Variants in GUCY1A2 observed in about 807,000 individuals in gnomAD.
GUCY1A2 encodes the protein guanylate cyclase soluble subunit alpha-2.
GUCY1A2 carries 27 observed loss-of-function variants against 63.5 expected under a neutral mutation model. The observed-to-expected ratio is 0.43, with a 90% confidence interval of 0.31 to 0.59. GUCY1A2 has a LOEUF of 0.59. GUCY1A2 is among the 20% of genes least tolerant of loss of function. The pLI, the probability that GUCY1A2 is intolerant of heterozygous loss-of-function variation, is 0.11. For synonymous variants in GUCY1A2, 364 were observed against 343.5 expected (o/e 1.06, Z -0.66); for missense variants, 768 against 913.3 (o/e 0.84, Z 2.05).
At chr11:106,862,024 T>G (rs1312166227) in intron 4 of GUCY1A2, among the ~76,000 whole-genome samples, 2 of 151,934 alleles carry the variant, frequency 1.3e-5, no homozygotes, top group East Asian at 3.9e-4. Flanking sequence ...ACATAATAAA[T>G]GAAAAATGCA....
At chr11:106,784,886 C>T (rs1864530015) in intron 5 of GUCY1A2, among the ~76,000 whole-genome samples, 1 of 152,156 alleles carries the variant, frequency 6.6e-6, no homozygotes, top group Non-Finnish European at 1.5e-5. Context: ...GATAAAGAGT[C>T]ATTAAAGTAA....
chr11:106,841,196 A>T (rs1005130404), intron 4 of GUCY1A2, among the ~76,000 whole-genome samples: 1 of 151,688 alleles, frequency 6.6e-6, no homozygotes, highest in African/African-American at 2.4e-5. Context: ...AAACACCCTC[A>T]TCTCTACTGC....
intron 3 of GUCY1A2, among the ~76,000 whole-genome samples, chr11:106,972,897 G>T (rs1481006115): frequency 6.6e-6 from 1 of 152,050 alleles, no homozygotes; most frequent in African/African-American, 2.4e-5. Context: ...AACAAAAGAA[G>T]CCAGCGAAAA....
At chr11:106,721,132 C>A (rs898851634) in intron 6 of GUCY1A2, among the ~76,000 whole-genome samples, 2 of 149,824 alleles carry the variant, frequency 1.3e-5, no homozygotes, top group African/African-American at 5.0e-5. Flanking sequence ...CATCTTGGCT[C>A]ACCGCAGCCT....
At chr11:106,764,895 A>T (rs2135394158) in intron 6 of GUCY1A2, among the ~76,000 whole-genome samples, 1 of 148,132 alleles carries the variant, frequency 6.8e-6, no homozygotes, top group East Asian at 2.0e-4. Context: ...CCTTGATCAA[A>T]TTATATAAAC....
At chr11:106,928,532 G>A (rs1241667550) in intron 4 of GUCY1A2, among the ~76,000 whole-genome samples, 4 of 149,056 alleles carry the variant, frequency 2.7e-5, no homozygotes, top group Non-Finnish European at 4.4e-5. Flanking sequence ...AACGGAAAAC[G>A]AACCAAGATT....
rs1210132693 is a variant in GUCY1A2, at chr11:106,680,171, T to A, written c.*7378A>T. 4.7e-6 allele frequency: 1 copy of A among 214,036 alleles called. No homozygotes were observed. The highest frequency in any genetic ancestry group is 2.3e-5 in the African/African-American group (1 of 44,246). The allele number at this position is 214,036 out of a possible 1,614,324, so 13.3% of individuals were successfully genotyped here. ...ACTCCATTTGTCCCTTTGTCCTGAG[T>A]CTGCTGTGTAAATGCCAGGCAGCAG... On this transcript the variant is annotated 3_prime_UTR_variant, in exon 8 of 8. Transcript: ENST00000526355.
intron 7 of GUCY1A2, among the ~76,000 whole-genome samples, chr11:106,691,669 T>C (rs2135336338): frequency 6.6e-6 from 1 of 152,324 alleles, no homozygotes; most frequent in African/African-American, 2.4e-5. Flanking sequence ...TCACAATGAA[T>C]TGATCTCTTG....
chr11:106,816,672 T>C (rs1858836607), intron 4 of GUCY1A2, among the ~76,000 whole-genome samples: 1 of 151,650 alleles, frequency 6.6e-6, no homozygotes, highest in Non-Finnish European at 1.5e-5. Context: ...AAATGGTTTC[T>C]TTGAAAAAAC....
intron 4 of GUCY1A2, among the ~76,000 whole-genome samples, chr11:106,898,996 T>A (rs1440270211): frequency 1.3e-5 from 2 of 152,166 alleles, no homozygotes; most frequent in Admixed American, 6.5e-5. Context: ...TCAATTTTGC[T>A]GTGAACCTAA....
At chr11:106,771,314 C>G (rs1229131872) in intron 6 of GUCY1A2, among the ~76,000 whole-genome samples, 1 of 152,160 alleles carries the variant, frequency 6.6e-6, no homozygotes, top group African/African-American at 2.4e-5. Flanking sequence ...GCACTAAAAA[C>G]TATTCAAAAT....
chr11:106,706,980 T>C (rs1591238759), intron 7 of GUCY1A2, among the ~76,000 whole-genome samples: 2 of 152,026 alleles, frequency 1.3e-5, no homozygotes, highest in Admixed American at 1.3e-4. Flanking sequence ...ATCCTGAAAA[T>C]AGCATATAGT....
At chr11:107,005,653 A>C (rs1861661705) in intron 1 of GUCY1A2, among the ~76,000 whole-genome samples, 1 of 152,184 alleles carries the variant, frequency 6.6e-6, no homozygotes. Flanking sequence ...ATATATGCTG[A>C]ATAAATTAGT....
At chr11:106,763,990 TG>T (rs945714145) in intron 6 of GUCY1A2, among the ~76,000 whole-genome samples, 1 of 152,154 alleles carries the variant, frequency 6.6e-6, no homozygotes, top group African/African-American at 2.4e-5. Flanking sequence ...TCCTAGTTTT[TG>T]GATTATTATG....
intron 5 of GUCY1A2, among the ~76,000 whole-genome samples, chr11:106,795,618 TTA>T (rs1198102331): frequency 1.5e-5 from 2 of 137,326 alleles, no homozygotes; most frequent in South Asian, 2.2e-4. Flanking sequence ...TTCAACTGAT[TTA>T]TCTTTTTCCA....
Position 106,983,946 on chromosome 11 carries a change from A to G in GUCY1A2, c.365+2124T>C, listed in dbSNP as rs536884566. On this transcript the variant is annotated intron_variant, in intron 2 of 7. Transcript: ENST00000526355. ...CTTAAGAGGAACAACATACAGCTGT[A>G]AACACTTTTTAGTTCGAGGGTGAGT... Among the ~76,000 whole-genome samples, 397 of 152,336 alleles carry G rather than the reference A, an allele frequency of 2.6e-3. 1 individual carries two copies. The highest frequency in any genetic ancestry group is 4.0e-3 in the Non-Finnish European group (270 of 68,020).
chr11:106,971,788 A>G lies in GUCY1A2; in HGVS notation c.487+6831T>C, dbSNP rs568607111. On this transcript the variant is annotated intron_variant, in intron 3 of 7. Transcript: ENST00000526355. Reference sequence around the variant, plus strand: ...CACCCCAATAGCAATGAGTACAACCAATGCCCAGGTCATGGTTTCCAATAC... The same window carrying G: ...CACCCCAATAGCAATGAGTACAACCGATGCCCAGGTCATGGTTTCCAATAC... 4.6e-5 allele frequency among the ~76,000 whole-genome samples: 7 copies of G among 152,276 alleles called. No homozygotes were observed. The South Asian group carries it at 1.5e-3, about 32-fold the overall frequency.
At chr11:106,756,438 A>G (rs534417126) in intron 6 of GUCY1A2, among the ~76,000 whole-genome samples, 3 of 152,224 alleles carry the variant, frequency 2.0e-5, no homozygotes, top group Non-Finnish European at 4.4e-5. Flanking sequence ...GTTTCTTCAT[A>G]GTGTTGATGG....
At chr11:106,874,268 G>C (rs945087585) in intron 4 of GUCY1A2, among the ~76,000 whole-genome samples, 1 of 152,116 alleles carries the variant, frequency 6.6e-6, no homozygotes, top group East Asian at 1.9e-4. Context: ...AATCCAATAG[G>C]CTGTGGCCTT....
Sources: allele counts gnomAD v4.1 joint callset (sites outside exome capture counted in the v4.1 genomes callset), GRCh38; gene constraint gnomAD v4.1.1; transcripts MANE v1.5; gene names NCBI Gene and HGNC (gene_info 2026-07-23, HGNC 2026-07-21).